NPHP4: variants seen among roughly 807,000 people sequenced by gnomAD.
The protein encoded by NPHP4 is nephrocystin 4.
A neutral mutation model predicts 155.8 loss-of-function variants in NPHP4; 151 were observed. That is an observed-to-expected ratio of 0.97 (90% confidence interval 0.85 to 1.11). The LOEUF is 1.11. NPHP4 is among the 50% of genes least tolerant of loss of function. The pLI is 0.00. For missense variants in NPHP4, 1,956 were observed against 1,925.7 expected (o/e 1.02, Z -0.29); for synonymous variants, 845 against 816.8 (o/e 1.03, Z -0.59).
chr1:5,866,963 G>C (rs1641295799), intron 25 of NPHP4, 67 bp downstream of exon 25: 1 of 1,243,892 alleles, frequency 8.0e-7, no homozygotes, highest in Non-Finnish European at 1.2e-6. Flanking sequence ...ATACCCGTGG[G>C]GAAGCCGACA....
At chr1:5,988,454 T>G (rs1040373865) in intron 1 of NPHP4, among the ~76,000 whole-genome samples, 3 of 152,250 alleles carry the variant, frequency 2.0e-5, no homozygotes, top group African/African-American at 7.2e-5. Flanking sequence ...TTTTTTGTTT[T>G]GGATAATATA....
Position 5,933,193 on chromosome 1 carries a change from T to C in NPHP4, c.1256A>G (p.His419Arg). Residue 419 changes from histidine to arginine, a missense_variant, in exon 10 of 30, where the codon CAC becomes CGC. Transcript: ENST00000378156. The stretch of plus-strand genomic sequence containing the variant: ...TGAGGGTACCTTGTAGACCAGACAG[T>C]GCGAGGGGTTGGGCTGGATCCCACC... ...LQGGIQPNPS[H>R]CLVYKVPSAS... 6.2e-7 allele frequency: 1 copy of C among 1,613,714 alleles called. No homozygotes were observed. The highest frequency in any genetic ancestry group is 8.5e-7 in the Non-Finnish European group (1 of 1,179,700).
Position 5,874,939 on chromosome 1 carries a change from A to G in NPHP4, c.2979T>C (p.Phe993=). The G allele has an allele frequency of 1.2e-6, 2 of 1,613,652 alleles. No individual in the cohort carries two copies. Among genetic ancestry groups the G allele is most frequent in the South Asian group, 2.2e-5 (2 of 91,086 alleles). The change falls in exon 21 of 30, where the codon TTT becomes TTC. Residue 993 remains phenylalanine (F), a synonymous_variant. Transcript: ENST00000378156. ...ATLGVAEFFE[F]VLKNPHNTQH... ...GTGTGTTGTGGGGGTTCTTAAGCACAAACTCAAAGAACTCGGCGACCCCCA... is the reference window on the plus strand; with the variant it reads ...GTGTGTTGTGGGGGTTCTTAAGCACGAACTCAAAGAACTCGGCGACCCCCA...
chr1:5,945,556 C>G (rs1024995067), intron 9 of NPHP4, among the ~76,000 whole-genome samples: 2 of 152,154 alleles, frequency 1.3e-5, no homozygotes, highest in Non-Finnish European at 2.9e-5. Context: ...TCGCCGCTAC[C>G]AGAAGAGATT....
intron 16 of NPHP4, among the ~76,000 whole-genome samples, chr1:5,898,785 C>T (rs1464196887): frequency 1.3e-5 from 2 of 152,150 alleles, no homozygotes; most frequent in African/African-American, 4.8e-5. Context: ...TCTTACATGT[C>T]CTATTAACTC....
intron 1 of NPHP4, 80 bp downstream of exon 1, chr1:5,992,164 G>A (rs903098082): frequency 1.3e-5 from 2 of 152,124 alleles, no homozygotes; most frequent in African/African-American, 2.4e-5. Flanking sequence ...CAACACTGAG[G>A]CCCCCTGTGC....
intron 2 of NPHP4, among the ~76,000 whole-genome samples, chr1:5,984,185 TC>T (rs1211243227): frequency 6.6e-6 from 1 of 152,230 alleles, no homozygotes; most frequent in Non-Finnish European, 1.5e-5. Flanking sequence ...AATAAAATTT[TC>T]TTCATGTAAT....
chr1:5,869,119 A>C (rs1311856335), intron 23 of NPHP4, among the ~76,000 whole-genome samples: 1 of 130,966 alleles, frequency 7.6e-6, no homozygotes, highest in Non-Finnish European at 1.7e-5. Flanking sequence ...CCACATGCAC[A>C]CACGCACAAT....
chr1:5,981,552 T>A lies in NPHP4; in HGVS notation c.136-3139A>T, dbSNP rs111869077. On this transcript the variant is annotated intron_variant, in intron 2 of 29. Coordinates refer to ENST00000378156, the MANE Select transcript of NPHP4 (RefSeq NM_015102.5). ...AAGTGCCCTGAATTCAAAACAAGCA[T>A]GTAATATTCTTCAGCCAACACCTTT... 1.2e-3 allele frequency among the ~76,000 whole-genome samples: 179 copies of A among 152,312 alleles called. 1 individual carries two copies. The highest frequency in any genetic ancestry group is 2.3e-3 in the Non-Finnish European group (158 of 68,032).
intron 2 of NPHP4, among the ~76,000 whole-genome samples, chr1:5,985,673 T>A (rs942802624): frequency 6.6e-6 from 1 of 152,164 alleles, no homozygotes; most frequent in African/African-American, 2.4e-5. Context: ...AATCATAGAT[T>A]CTCTTTGCTG....
intron 6 of NPHP4, 84 bp from the exon 7 acceptor site, chr1:5,952,920 C>G: frequency 7.3e-7 from 1 of 1,361,248 alleles, no homozygotes; most frequent in Non-Finnish European, 9.9e-7. Flanking sequence ...CCCACCCCAG[C>G]CTCAGCCGGG....
intron 3 of NPHP4, among the ~76,000 whole-genome samples, chr1:5,971,420 T>C (rs181496409): frequency 1.3e-4 from 20 of 152,362 alleles, no homozygotes; most frequent in East Asian, 1.2e-3. Context: ...GATAAGGACA[T>C]ATGTTCTTTT....
At chr1:5,874,738 C>CCCACCCACGCAGA in intron 21 of NPHP4, 81 bp from the exon 22 acceptor site, 1 of 1,533,300 alleles carries the variant, frequency 6.5e-7, no homozygotes, top group Non-Finnish European at 8.9e-7. Flanking sequence ...CCACCGAGAG[C>CCCACCCACGCAGA]GGTGCTCAGA....
intron 9 of NPHP4, among the ~76,000 whole-genome samples, chr1:5,941,504 T>C (rs1266650438): frequency 6.6e-6 from 1 of 151,872 alleles, no homozygotes; most frequent in Non-Finnish European, 1.5e-5. Flanking sequence ...AATGACAAAA[T>C]GAGGAGAAAA....
At chr1:5,941,684 C>A (rs969049369) in intron 9 of NPHP4, among the ~76,000 whole-genome samples, 4 of 152,158 alleles carry the variant, frequency 2.6e-5, no homozygotes, top group South Asian at 2.1e-4. Flanking sequence ...CAAAACAGGA[C>A]GAAGGATGCC....
In NPHP4 at chr1:5,905,931, A is replaced by G. The variant is rs1644894760; in HGVS notation, c.1612-148T>C. On this transcript the variant is annotated intron_variant, in intron 13 of 29. Transcript: ENST00000378156. The surrounding 1 kb of genome is among the most constrained non-coding windows in gnomAD (Gnocchi z 4.0). ...ATACAAAAGGTTCAATTACACTTGA[A>G]TTTCAGGTAAACAACAAATGATTTT... The G allele has an allele frequency of 1.5e-6, 1 of 682,442 alleles. No individual in the cohort carries two copies. The highest frequency in any genetic ancestry group is 1.8e-5 in the African/African-American group (1 of 55,500). 42.3% of individuals were successfully genotyped at this position (682,442 alleles called of 1,614,324 possible). A position where few individuals can be genotyped will look rare whatever the true frequency, so the allele number is the denominator to read the frequency against.
chr1:5,953,818 C>T (rs1345585572), intron 6 of NPHP4, among the ~76,000 whole-genome samples: 1 of 152,214 alleles, frequency 6.6e-6, no homozygotes, highest in East Asian at 1.9e-4. Context: ...CCAACCGTTT[C>T]CCAACCTACA....
chr1:5,925,717 G>A (rs142550357), intron 11 of NPHP4, among the ~76,000 whole-genome samples: 6,025 of 152,134 alleles, frequency 0.04, 228 homozygotes, highest in Non-Finnish European at 0.043. Context: ...CTGGGTTCAC[G>A]CCGTTCTCCT....
intron 16 of NPHP4, among the ~76,000 whole-genome samples, chr1:5,902,909 G>A (rs192494704): frequency 6.6e-6 from 1 of 152,320 alleles, no homozygotes; most frequent in Admixed American, 6.5e-5. Context: ...AGGGGAGGGA[G>A]TGACTGACTT....
Sources: allele counts gnomAD v4.1 joint callset (sites outside exome capture counted in the v4.1 genomes callset), GRCh38; gene constraint gnomAD v4.1.1; non-coding constraint Gnocchi (gnomAD v3.1); transcripts MANE v1.5; gene names NCBI Gene and HGNC (gene_info 2026-07-23, HGNC 2026-07-21).